SORCS3: variants seen among roughly 807,000 people sequenced by gnomAD.
SORCS3 encodes VPS10 domain-containing receptor SorCS3.
Under a neutral mutation model 146.3 loss-of-function variants are expected in SORCS3, and 57 were observed. The observed-to-expected ratio is 0.39, with a 90% confidence interval of 0.31 to 0.49. SORCS3 has a LOEUF of 0.49. Ranked by LOEUF, SORCS3 falls within the 20% of genes least tolerant of loss-of-function variation. The pLI is 0.92. For synonymous variants in SORCS3, 653 were observed against 618.5 expected (o/e 1.06, Z -0.83); for missense variants, 1,341 against 1,575.5 (o/e 0.85, Z 2.52).
At chr10:105,132,795 C>G (rs1171585124) in intron 7 of SORCS3, among the ~76,000 whole-genome samples, 1 of 152,032 alleles carries the variant, frequency 6.6e-6, no homozygotes, top group African/African-American at 2.4e-5. Context: ...AGGAAAAGAC[C>G]CAGCTAATTC....
intron 16 of SORCS3, among the ~76,000 whole-genome samples, chr10:105,205,293 T>C (rs10218883): frequency 0.43 from 66,013 of 152,036 alleles, 14,535 homozygotes; most frequent in South Asian, 0.54. Flanking sequence ...TGTCCCTCTT[T>C]TGCAAGAAAA....
intron 1 of SORCS3, among the ~76,000 whole-genome samples, chr10:104,821,029 C>T (rs910089588): frequency 1.3e-5 from 2 of 152,322 alleles, no homozygotes; most frequent in East Asian, 3.9e-4. Flanking sequence ...GGCTTCATGG[C>T]AGGCTTGATC....
intron 2 of SORCS3, among the ~76,000 whole-genome samples, chr10:104,881,594 G>T (rs148022307): frequency 2.6e-5 from 4 of 152,086 alleles, no homozygotes; most frequent in Non-Finnish European, 5.9e-5. Context: ...ACAGATTAAA[G>T]AATCTTATAT....
chr10:104,882,183 C>G (rs942512298), intron 2 of SORCS3, among the ~76,000 whole-genome samples: 1 of 152,136 alleles, frequency 6.6e-6, no homozygotes, highest in African/African-American at 2.4e-5. Context: ...GGTAGAGATC[C>G]ACCTGATTCA....
At chr10:104,710,238 A>G (rs1026674781) in intron 1 of SORCS3, among the ~76,000 whole-genome samples, 5 of 152,234 alleles carry the variant, frequency 3.3e-5, no homozygotes, top group African/African-American at 1.2e-4. Context: ...CTATAGCCCA[A>G]CCCAGCTTAT....
At chr10:104,923,558 C>T (rs1435499874) in intron 3 of SORCS3, among the ~76,000 whole-genome samples, 1 of 152,188 alleles carries the variant, frequency 6.6e-6, no homozygotes, top group Non-Finnish European at 1.5e-5. Flanking sequence ...TTCATAGGAG[C>T]ATCACACGCA....
In SORCS3 at chr10:104,641,600, C is replaced by A; in HGVS notation, c.273C>A (p.Pro91=). The A allele has an allele frequency of 6.6e-7, 1 of 1,515,914 alleles. No homozygotes were observed. The highest frequency in any genetic ancestry group is 1.2e-5 in the South Asian group (1 of 81,718). 93.9% of individuals were successfully genotyped at this position (1,515,914 alleles called of 1,614,324 possible). A position where few individuals can be genotyped will look rare whatever the true frequency, so the allele number is the denominator to read the frequency against. ...GCCGGGCCGGACCAGAGCTGCTGCC[C>A]CAGCAGGGCGGCGGCAGAGGCGGTG... The part of the protein sequence containing the change: ...LGRRAGPELL[P]QQGGGRGGEM... Residue 91 remains proline (P), a synonymous_variant, in exon 1 of 27, where the codon CCC becomes CCA. Transcript: ENST00000369701. The surrounding 1 kb of genome is among the most constrained non-coding windows in gnomAD (Gnocchi z 6.4).
intron 3 of SORCS3, 68 bp downstream of exon 3, chr10:104,916,000 TA>T: frequency 8.0e-7 from 1 of 1,242,518 alleles, no homozygotes; most frequent in South Asian, 1.2e-5. Context: ...GGCCAGAGGT[TA>T]AGGAAAAAAC....
chr10:105,075,720 G>A (rs1312835779), intron 5 of SORCS3, among the ~76,000 whole-genome samples: 1 of 152,146 alleles, frequency 6.6e-6, no homozygotes, highest in African/African-American at 2.4e-5. Context: ...GTGCAGAGGG[G>A]AAAATCATAA....
chr10:104,711,471 T>C (rs777821518), intron 1 of SORCS3, among the ~76,000 whole-genome samples: 30 of 152,324 alleles, frequency 2.0e-4, no homozygotes, highest in Admixed American at 1.0e-3. Context: ...GGCCACATAG[T>C]TGGGCAGCTG....
chr10:105,049,306 C>T (rs913765110), intron 5 of SORCS3, among the ~76,000 whole-genome samples: 6 of 152,060 alleles, frequency 3.9e-5, no homozygotes, highest in African/African-American at 1.2e-4. Context: ...ACTTTCTCAT[C>T]CTCTCCTTCC....
chr10:105,148,314 C>A lies in SORCS3; in HGVS notation c.1482+518C>A, dbSNP rs992735304. Among the ~76,000 whole-genome samples the A allele has an allele frequency of 2.0e-5, 3 of 152,112 alleles. 1 individual carries two copies. The highest frequency in any genetic ancestry group is 2.0e-4 in the Admixed American group (3 of 15,268). On this transcript the variant is annotated intron_variant, in intron 9 of 26. Coordinates refer to ENST00000369701, the MANE Select transcript of SORCS3 (RefSeq NM_014978.3). ...GCCGACATCTATGCAGGGTAAAAAACTGGCCTTGACATAAGTGTGTCACTT... is the reference window on the plus strand; with the variant it reads ...GCCGACATCTATGCAGGGTAAAAAAATGGCCTTGACATAAGTGTGTCACTT...
chr10:104,756,885 G>T (rs2017059244), intron 1 of SORCS3, among the ~76,000 whole-genome samples: 1 of 152,068 alleles, frequency 6.6e-6, no homozygotes, highest in African/African-American at 2.4e-5. Context: ...TGATTTCTGG[G>T]ACTGAATATT....
intron 1 of SORCS3, among the ~76,000 whole-genome samples, chr10:104,727,577 C>T (rs143242913): frequency 0.013 from 2,036 of 151,518 alleles, 36 homozygotes; most frequent in African/African-American, 0.041. Context: ...GATGCATACA[C>T]GCTTACCTAT....
chr10:104,893,121 A>G (rs1488333953), intron 2 of SORCS3, among the ~76,000 whole-genome samples: 1 of 152,116 alleles, frequency 6.6e-6, no homozygotes, highest in Non-Finnish European at 1.5e-5. Context: ...ACTTATTAGC[A>G]CACTAGTTCA....
At chr10:104,903,284 G>A (rs1017105687) in intron 2 of SORCS3, among the ~76,000 whole-genome samples, 3 of 152,178 alleles carry the variant, frequency 2.0e-5, no homozygotes, top group Admixed American at 2.0e-4. Context: ...AGTGATTTAG[G>A]GTGACAGTCT....
chr10:105,244,417 A>G (rs976218946), intron 20 of SORCS3, among the ~76,000 whole-genome samples: 2 of 152,068 alleles, frequency 1.3e-5, no homozygotes, highest in African/African-American at 4.8e-5. Flanking sequence ...AACCAAACTT[A>G]GATTGAAAAT....
intron 1 of SORCS3, among the ~76,000 whole-genome samples, chr10:104,750,639 G>A (rs1027861418): frequency 2.6e-5 from 4 of 152,116 alleles, no homozygotes; most frequent in Admixed American, 1.3e-4. Flanking sequence ...GACAGAAACA[G>A]GATATAAAAT....
rs182352186 is a variant in SORCS3 at position 104,711,484 on chromosome 10, G to A, written c.627+69530G>A. Among the ~76,000 whole-genome samples the A allele has an allele frequency of 7.8e-3, 1,191 of 152,334 alleles. 5 individuals are homozygous for A. Among genetic ancestry groups the A allele is most frequent in the Non-Finnish European group, 0.01 (709 of 68,020 alleles). ...GAGGCCACATAGTTGGGCAGCTGCA[G>A]AATCCAGAATCTAACATGAAATCTA... On this transcript the variant is annotated intron_variant, in intron 1 of 26. Coordinates refer to ENST00000369701, the MANE Select transcript of SORCS3 (RefSeq NM_014978.3).
Sources: gnomAD v4.1 joint callset for allele counts (sites outside exome capture counted in the v4.1 genomes callset) on GRCh38, gnomAD v4.1.1 for gene constraint, Gnocchi (gnomAD v3.1) non-coding constraint, MANE v1.5 for transcripts, NCBI Gene and HGNC (gene_info 2026-07-23, HGNC 2026-07-21) for gene names.